The following ZMYM5 variants were observed in gnomAD, a reference collection of about 807,000 sequenced individuals.
ZMYM5 encodes zinc finger MYM-type protein 5.
ZMYM5 carries 41 observed loss-of-function variants against 61.8 expected under a neutral mutation model. The observed-to-expected ratio is 0.66, with a 90% CI of 0.52 to 0.86. ZMYM5 has a LOEUF of 0.86. ZMYM5 is among the 40% of genes least tolerant of loss of function. The pLI is 0.00. For missense variants in ZMYM5, 706 were observed against 786.7 expected (o/e 0.90, Z 1.23); for synonymous variants, 257 against 276.4 (o/e 0.93, Z 0.70).
intron 6 of ZMYM5, among the ~76,000 whole-genome samples, chr13:19,836,845 C>A (rs1952687895): frequency 6.6e-6 from 1 of 152,098 alleles, no homozygotes; most frequent in Non-Finnish European, 1.5e-5. Context: ...TGCCTGCATG[C>A]ATGTTTCTTC....
At chr13:19,841,245 A>G (rs900814061) in intron 4 of ZMYM5, among the ~76,000 whole-genome samples, 5 of 152,178 alleles carry the variant, frequency 3.3e-5, no homozygotes, top group Non-Finnish European at 5.9e-5. Flanking sequence ...TACAGGCGTG[A>G]GCCACTGGGC....
intron 4 of ZMYM5, among the ~76,000 whole-genome samples, chr13:19,848,184 C>T (rs1398141169): frequency 6.6e-6 from 1 of 151,820 alleles, no homozygotes; most frequent in Non-Finnish European, 1.5e-5. Flanking sequence ...GGGGTTTCAC[C>T]ATGTTGGCCA....
chr13:19,827,814 G>A (rs191814784), intron 7 of ZMYM5, among the ~76,000 whole-genome samples: 4 of 150,036 alleles, frequency 2.7e-5, no homozygotes, highest in African/African-American at 7.3e-5. Flanking sequence ...GGCGGATCAC[G>A]AGGTCAGGAG....
chr13:19,837,307 C>T, intron 6 of ZMYM5: 2 of 724,672 alleles, frequency 2.8e-6, no homozygotes, highest in Non-Finnish European at 3.8e-6. Flanking sequence ...ATGTGAGCCA[C>T]CACGTCCGGC....
At chr13:19,837,364 CATTTTT>C (rs1277372649) in intron 6 of ZMYM5, 1 of 1,321,210 alleles carries the variant, frequency 7.6e-7, no homozygotes, top group African/African-American at 1.6e-5. Context: ...CTTGAGACTA[CATTTTT>C]ATTTAATGTC....
chr13:19,823,501 T>C lies in ZMYM5; in HGVS notation c.*976A>G, dbSNP rs1482751420. ...TGAAGGTTAACTTAATATATACTTA[T>C]TTTAATATTTTTTATATTTTTATCA... On this transcript the variant is annotated 3_prime_UTR_variant, in exon 8 of 8. Coordinates refer to ENST00000337963, the MANE Select transcript of ZMYM5 (RefSeq NM_001142684.2). 1 of 152,104 alleles carries C rather than the reference T, an allele frequency of 6.6e-6. No homozygotes were observed. Among genetic ancestry groups the C allele is most frequent in the Non-Finnish European group, 1.5e-5 (1 of 68,026 alleles). 9.4% of individuals were successfully genotyped at this position (152,104 alleles called of 1,614,324 possible).
At chr13:19,840,107 G>T (rs780994040) in intron 4 of ZMYM5, among the ~76,000 whole-genome samples, 1 of 152,186 alleles carries the variant, frequency 6.6e-6, no homozygotes, top group Non-Finnish European at 1.5e-5. Flanking sequence ...GAGAAACAAG[G>T]TTCTATGATA....
intron 4 of ZMYM5, among the ~76,000 whole-genome samples, chr13:19,847,295 C>T (rs950619635): frequency 2.6e-5 from 4 of 152,040 alleles, no homozygotes; most frequent in African/African-American, 9.7e-5. Flanking sequence ...GTAACAACCT[C>T]GAAAACTACT....
At chr13:19,860,704 C>T (rs1474726782) in intron 2 of ZMYM5, among the ~76,000 whole-genome samples, 1 of 151,850 alleles carries the variant, frequency 6.6e-6, no homozygotes, top group Admixed American at 6.6e-5. Context: ...TCCCAAAGTG[C>T]TGGGATTACA....
rs1227764923 is a variant in ZMYM5, at chr13:19,835,569, T to A, written c.1159A>T (p.Met387Leu). The change falls in exon 7 of 8, where the codon ATG (methionine) becomes TTG (leucine). Residue 387 changes from methionine (M) to leucine (L), a missense_variant. By Grantham distance (15) the Met-to-Leu change is conservative (BLOSUM62 2). Coordinates refer to ENST00000337963, the MANE Select transcript of ZMYM5 (RefSeq NM_001142684.2). ...TTGTTTCCAGTACTCTTACTAGGCA[T>A]GTACTCTCCACAGTGTTCACAGCAG... ...MNCCEHCGEY[M>L]PSKSTGNNIL... The A allele has an allele frequency of 3.7e-6, 5 of 1,367,606 alleles. No homozygotes were observed. The highest frequency in any genetic ancestry group is 4.9e-6 in the Non-Finnish European group (5 of 1,021,864). 84.7% of individuals were successfully genotyped at this position (1,367,606 alleles called of 1,614,324 possible).
chr13:19,837,966 T>C (rs1952728204), intron 5 of ZMYM5, 145 bp from the exon 6 acceptor site: 7 of 900,210 alleles, frequency 7.8e-6, no homozygotes, highest in Non-Finnish European at 1.1e-5. Flanking sequence ...AAATCCACTT[T>C]TGGCTTTATT....
intron 3 of ZMYM5, 73 bp from the exon 4 acceptor site, chr13:19,851,521 A>G (rs992721969): frequency 1.9e-6 from 3 of 1,573,720 alleles, no homozygotes; most frequent in Middle Eastern, 1.7e-4. Context: ...CTTTAGCGAC[A>G]TCTCCCAAGT....
rs1165184841 is a variant in ZMYM5 at position 19,862,450 on chromosome 13, G to A, written c.-62C>T. On this transcript the variant is annotated 5_prime_UTR_variant, in exon 2 of 8. Transcript: ENST00000337963. Reference sequence around the variant, plus strand: ...TGCCAAAGCCTCACGACATAGGCTTGAAGGTGATTCCTGGTCCTAGAATGA... The same window carrying A: ...TGCCAAAGCCTCACGACATAGGCTTAAAGGTGATTCCTGGTCCTAGAATGA... The A allele has an allele frequency of 1.3e-5, 2 of 151,784 alleles. No individual in the cohort carries two copies. Among genetic ancestry groups the A allele is most frequent in the African/African-American group, 4.8e-5 (2 of 41,304 alleles). The allele number at this position is 151,784 out of a possible 1,614,324, so 9.4% of individuals were successfully genotyped here.
intron 7 of ZMYM5, among the ~76,000 whole-genome samples, chr13:19,832,565 G>A (rs1483651404): frequency 1.3e-5 from 2 of 152,062 alleles, no homozygotes; most frequent in Non-Finnish European, 2.9e-5. Flanking sequence ...GAACTCAAGT[G>A]ATCCGCCCGC....
chr13:19,839,955 T>C (rs1191653103), intron 4 of ZMYM5, among the ~76,000 whole-genome samples: 2 of 152,192 alleles, frequency 1.3e-5, no homozygotes, highest in Admixed American at 6.5e-5. Context: ...GTATTACTTA[T>C]AGGCGAGATC....
At chr13:19,838,029 T>C (rs191593796) in intron 5 of ZMYM5, among the ~76,000 whole-genome samples, 1 of 152,246 alleles carries the variant, frequency 6.6e-6, no homozygotes, top group South Asian at 2.1e-4. Context: ...TAAAAATCTT[T>C]CGTAGCACAA....
chr13:19,840,881 A>G (rs1038665777), intron 4 of ZMYM5, among the ~76,000 whole-genome samples: 80 of 150,842 alleles, frequency 5.3e-4, no homozygotes, highest in African/African-American at 1.7e-3. Flanking sequence ...GTTTCACCGT[A>G]TTAGCCAGGA....
At position 19,824,986 on chromosome 13, in the gene ZMYM5, GA is replaced by G. The variant is rs1456462435; in HGVS notation, c.1500del (p.Gln501LysfsTer29). 1 of 1,367,146 alleles carries G rather than the reference GA, an allele frequency of 7.3e-7. No homozygotes were observed. 84.7% of individuals were successfully genotyped at this position (1,367,146 alleles called of 1,614,324 possible). On this transcript the variant is annotated frameshift_variant, in exon 8 of 8. Transcript: ENST00000337963. LOFTEE classifies it high-confidence loss of function. ...PSSTSTIADT[F>X]QEQLEEKNFE... is the part of the protein sequence containing the mutation. ...AAATTTTTCTCTTCCAGTTGCTCTT[GA>G]AATGTATCAGCTATGGTTGACGTGG... is the stretch of plus-strand genomic sequence containing the variant.
intron 4 of ZMYM5, among the ~76,000 whole-genome samples, chr13:19,846,743 TAC>T (rs1367078370): frequency 1.3e-5 from 2 of 150,842 alleles, no homozygotes; most frequent in Non-Finnish European, 3.0e-5. Context: ...CTGTACCAAA[TAC>T]AGTCCCCCCC....
Sources: allele counts gnomAD v4.1 joint callset (sites outside exome capture counted in the v4.1 genomes callset), GRCh38; gene constraint gnomAD v4.1.1; transcripts MANE v1.5; gene names NCBI Gene and HGNC (gene_info 2026-07-23, HGNC 2026-07-21).